Variants in ZMIZ1 observed in about 807,000 individuals in gnomAD.
ZMIZ1 encodes zinc finger MIZ domain-containing protein 1.
Under a neutral mutation model 113.9 loss-of-function variants are expected in ZMIZ1, and 17 were observed. The ratio of observed to expected loss-of-function variants is 0.15; its 90% confidence interval spans 0.10 to 0.22. The LOEUF is 0.22. Ranked by LOEUF, ZMIZ1 falls within the 10% of genes least tolerant of loss-of-function variation. ZMIZ1 has a pLI of 1.00. For missense variants in ZMIZ1, 1,059 were observed against 1,477.8 expected, an observed-to-expected ratio of 0.72 and a Z score of 4.65; for synonymous variants, 607 against 603.1, an observed-to-expected ratio of 1.01 and a Z score of -0.09.
intron 2 of ZMIZ1, among the ~76,000 whole-genome samples, chr10:79,133,016 G>T (rs2132380686): frequency 6.6e-6 from 1 of 152,286 alleles, no homozygotes; most frequent in East Asian, 1.9e-4. Context: ...GCTAAGAAAA[G>T]AACGGTCGGT....
chr10:79,298,853 C>T (rs1044240797), intron 15 of ZMIZ1, among the ~76,000 whole-genome samples, 197 bp from the exon 16 acceptor site: 15 of 152,176 alleles, frequency 9.9e-5, no homozygotes, highest in South Asian at 4.1e-4. Flanking sequence ...GGGGATGAGT[C>T]GCTGGGGCGG....
chr10:79,284,198 T>A (rs1267061898), intron 8 of ZMIZ1, among the ~76,000 whole-genome samples: 1 of 152,216 alleles, frequency 6.6e-6, no homozygotes, highest in Non-Finnish European at 1.5e-5. Flanking sequence ...ACCTCGATCA[T>A]TGCCCGTGGA....
At chr10:79,248,345 G>A (rs1850334709) in intron 7 of ZMIZ1, among the ~76,000 whole-genome samples, 1 of 152,160 alleles carries the variant, frequency 6.6e-6, no homozygotes, top group South Asian at 2.1e-4. Flanking sequence ...CGCTTGATGA[G>A]AAAGGAGGAT....
chr10:79,156,713 C>T (rs534103656), intron 3 of ZMIZ1, among the ~76,000 whole-genome samples: 4 of 152,200 alleles, frequency 2.6e-5, no homozygotes, highest in Non-Finnish European at 4.4e-5. Context: ...CCAAGCGTAC[C>T]TCGGGACTCT....
intron 3 of ZMIZ1, among the ~76,000 whole-genome samples, chr10:79,146,078 T>C (rs1467799201): frequency 6.6e-6 from 1 of 152,168 alleles, no homozygotes; most frequent in Non-Finnish European, 1.5e-5. Flanking sequence ...GAGATGCATC[T>C]GCAGTGAGTT....
rs183710955 is a variant in ZMIZ1, at chr10:79,290,908, C to G, written c.541-51C>G. The stretch of plus-strand genomic sequence containing the variant: ...CCTCTTCATTTATCCCTCTTCCTCT[C>G]CACACTGCCTCGGGTAGCACCTTAG... On this transcript the variant is annotated intron_variant, in intron 9 of 24. Transcript: ENST00000334512. The G allele has an allele frequency of 3.8e-3, 6,045 of 1,600,638 alleles. 24 individuals are homozygous for G. Among genetic ancestry groups the G allele is most frequent in the Non-Finnish European group, 4.6e-3 (5,321 of 1,168,302 alleles).
chr10:79,208,134 T>TGGGG (rs1327736430), intron 5 of ZMIZ1, among the ~76,000 whole-genome samples: 4 of 15,014 alleles, frequency 2.7e-4, no homozygotes, highest in Admixed American at 7.6e-4. Context: ...GAGGTGGGGG[T>TGGGG]GGGGGGGGGT....
chr10:79,255,549 AGCGTCCCTGCCC>A, intron 7 of ZMIZ1, among the ~76,000 whole-genome samples: 1 of 152,144 alleles, frequency 6.6e-6, no homozygotes, highest in South Asian at 2.1e-4. Context: ...GGCATTCACC[AGCGTCCCTGCCC>A]GCTCCCCTCT....
intron 4 of ZMIZ1, among the ~76,000 whole-genome samples, chr10:79,178,851 A>G (rs1589383599): frequency 6.6e-6 from 1 of 151,730 alleles, no homozygotes; most frequent in Admixed American, 6.6e-5. Flanking sequence ...GGGCTGGGGG[A>G]GGTGTGTGGT....
At chr10:79,139,335 G>A (rs978564977) in intron 2 of ZMIZ1, among the ~76,000 whole-genome samples, 7 of 152,128 alleles carry the variant, frequency 4.6e-5, no homozygotes, top group South Asian at 2.1e-4. Context: ...AAATACCCCC[G>A]ACAGCTTCTC....
intron 4 of ZMIZ1, among the ~76,000 whole-genome samples, chr10:79,192,432 G>C (rs945292293): frequency 6.6e-6 from 1 of 152,210 alleles, no homozygotes; most frequent in African/African-American, 2.4e-5. Context: ...ATTGACAATG[G>C]GTGTTCCCGT....
intron 8 of ZMIZ1, among the ~76,000 whole-genome samples, chr10:79,280,614 G>T (rs1262695305): frequency 3.3e-5 from 5 of 150,492 alleles, no homozygotes; most frequent in Admixed American, 2.6e-4. Context: ...ACTTTGCAGG[G>T]CATTTGGCGT....
At chr10:79,286,789 T>C (rs897528298) in intron 8 of ZMIZ1, among the ~76,000 whole-genome samples, 3 of 152,238 alleles carry the variant, frequency 2.0e-5, no homozygotes, top group African/African-American at 7.2e-5. Flanking sequence ...CGTGGGCCTG[T>C]GTAGCGTCCT....
At chr10:79,114,624 G>A (rs1338901033) in intron 1 of ZMIZ1, among the ~76,000 whole-genome samples, 3 of 151,932 alleles carry the variant, frequency 2.0e-5, no homozygotes, top group Non-Finnish European at 4.4e-5. Context: ...TTGCTTTTCC[G>A]GGGCCTCACT....
At chr10:79,277,456 G>T (rs1188720140) in intron 8 of ZMIZ1, 131 bp downstream of exon 8, 2 of 1,210,256 alleles carry the variant, frequency 1.7e-6, no homozygotes, top group Non-Finnish European at 2.2e-6. Context: ...AGGTGCAGTT[G>T]TTTTTTTACA....
chr10:79,113,579 G>T (rs535531008), intron 1 of ZMIZ1, among the ~76,000 whole-genome samples: 19 of 152,330 alleles, frequency 1.2e-4, no homozygotes, highest in Middle Eastern at 3.4e-3. Flanking sequence ...CCCACAGGCT[G>T]TTGTTGGCAG....
chr10:79,200,894 T>C (rs74762447), intron 4 of ZMIZ1, among the ~76,000 whole-genome samples: 6 of 152,092 alleles, frequency 3.9e-5, no homozygotes, highest in Non-Finnish European at 8.8e-5. Context: ...TGCATGCACA[T>C]GTATGAACAC....
chr10:79,254,440 G>A (rs548311128), intron 7 of ZMIZ1, among the ~76,000 whole-genome samples: 17 of 152,382 alleles, frequency 1.1e-4, no homozygotes, highest in African/African-American at 4.1e-4. Flanking sequence ...CCCATAAGCC[G>A]GGCTGGACGG....
In ZMIZ1 at chr10:79,296,804, G is replaced by A; in HGVS notation, c.1413+151G>A. On this transcript the variant is annotated intron_variant, in intron 13 of 24. Transcript: ENST00000334512. This position sits in a 1 kb window ranked among gnomAD's most constrained non-coding sequence, Gnocchi z 4.1. ...TTCTGAACGTCCCCATGTGTTCAGG[G>A]CGAAGTTCGGTGGCCAGAATGTCAG... The A allele has an allele frequency of 1.6e-6, 1 of 629,422 alleles. No individual in the cohort carries two copies. Among genetic ancestry groups the A allele is most frequent in the Non-Finnish European group, 2.4e-6 (1 of 409,582 alleles). The allele number at this position is 629,422 out of a possible 1,614,324, so 39.0% of individuals were successfully genotyped here.
Sources: allele counts gnomAD v4.1 joint callset (sites outside exome capture counted in the v4.1 genomes callset), GRCh38; gene constraint gnomAD v4.1.1; non-coding constraint Gnocchi (gnomAD v3.1); transcripts MANE v1.5; gene names NCBI Gene and HGNC (gene_info 2026-07-23, HGNC 2026-07-21).